The following IL1RAPL2 variants were observed in gnomAD, a reference collection of about 807,000 sequenced individuals.
IL1RAPL2 encodes X-linked interleukin-1 receptor accessory protein-like 2.
In IL1RAPL2, 3 loss-of-function variants were observed where a neutral mutation model predicts 44.1. The observed-to-expected ratio is 0.07, with a 90% CI of 0.03 to 0.18. The LOEUF (loss-of-function observed/expected upper bound fraction) is 0.18, where lower values mean the gene tolerates loss of function less well. Ranked by LOEUF, IL1RAPL2 falls within the 10% of genes least tolerant of loss-of-function variation. The pLI, the probability that IL1RAPL2 is intolerant of heterozygous loss-of-function variation, is 1.00. For synonymous variants in IL1RAPL2, 181 were observed against 178.8 expected, an observed-to-expected ratio of 1.01 and a Z score of -0.10; for missense variants, 391 against 496.4, an observed-to-expected ratio of 0.79 and a Z score of 2.02.
chrX:104,639,665 A>T (rs748717205), intron 1 of IL1RAPL2, among the ~76,000 whole-genome samples: 6 of 109,791 alleles, frequency 5.5e-5, no homozygotes, highest in Middle Eastern at 4.4e-3. Flanking sequence ...CGGGTTTAGG[A>T]CTCCCTTAAG....
chrX:105,337,324 A>C (rs2147697161), intron 5 of IL1RAPL2, among the ~76,000 whole-genome samples: 1 of 112,495 alleles, frequency 8.9e-6, no homozygotes, highest in Non-Finnish European at 1.9e-5. Context: ...GCAGACAATT[A>C]GTTTTTCATG....
At chrX:105,422,172 G>T (rs2035778094) in intron 5 of IL1RAPL2, among the ~76,000 whole-genome samples, 1 of 111,696 alleles carries the variant, frequency 9.0e-6, no homozygotes, top group Admixed American at 9.5e-5. Flanking sequence ...TGTTTCATAG[G>T]AGTCTCAGAT....
intron 2 of IL1RAPL2, among the ~76,000 whole-genome samples, chrX:105,068,476 C>T (rs1381747912): frequency 8.9e-6 from 1 of 111,836 alleles, no homozygotes; most frequent in Non-Finnish European, 1.9e-5. Flanking sequence ...AAGGTCTCTA[C>T]CAGTATAAAA....
intron 2 of IL1RAPL2, among the ~76,000 whole-genome samples, chrX:104,729,017 G>A (rs1931851218): frequency 1.8e-5 from 2 of 111,389 alleles, no homozygotes; most frequent in Admixed American, 1.9e-4. Flanking sequence ...TTTAAGTCAA[G>A]TATGCATGTT....
chrX:104,782,336 C>T (rs1450246367), intron 2 of IL1RAPL2, among the ~76,000 whole-genome samples: 2 of 110,643 alleles, frequency 1.8e-5, no homozygotes, highest in Non-Finnish European at 3.8e-5. Context: ...CAGTAGGAGA[C>T]TATCTTCTGT....
intron 6 of IL1RAPL2, among the ~76,000 whole-genome samples, chrX:105,626,129 C>T (rs116591687): frequency 0.01 from 1,129 of 111,427 alleles, 23 homozygotes; most frequent in African/African-American, 0.035. Flanking sequence ...TACATTTCAG[C>T]ATAGGAGGAA....
chrX:104,585,328 A>AATATATATT (rs1928519158), intron 1 of IL1RAPL2, among the ~76,000 whole-genome samples: 1 of 12,483 alleles, frequency 8.0e-5, no homozygotes, highest in East Asian at 2.9e-3. Flanking sequence ...TATTATATAT[A>AATATATATT]ATATATATTA....
intron 5 of IL1RAPL2, among the ~76,000 whole-genome samples, chrX:105,399,161 C>T (rs2035587126): frequency 9.0e-6 from 1 of 111,678 alleles, no homozygotes; most frequent in Non-Finnish European, 1.9e-5. Flanking sequence ...GAAGCTGGTG[C>T]ATATCATCCT....
intron 3 of IL1RAPL2, chrX:105,220,292 G>A (rs2147626411): frequency 8.3e-7 from 1 of 1,210,850 alleles, no homozygotes; most frequent in East Asian, 3.0e-5. Context: ...ATATTCTCAA[G>A]ATAGAACTCG....
intron 2 of IL1RAPL2, among the ~76,000 whole-genome samples, chrX:104,728,104 A>G (rs756432103): frequency 9.0e-6 from 1 of 111,248 alleles, no homozygotes; most frequent in Non-Finnish European, 1.9e-5. Context: ...ATCTATAAAA[A>G]TAAAGAAAAA....
At chrX:104,754,610 T>C (rs1364121711) in intron 2 of IL1RAPL2, among the ~76,000 whole-genome samples, 1 of 111,633 alleles carries the variant, frequency 9.0e-6, no homozygotes, top group Non-Finnish European at 1.9e-5. Context: ...GTATCACAGA[T>C]GATTACTCCC....
chrX:104,823,103 A>AT (rs370935873), intron 2 of IL1RAPL2, among the ~76,000 whole-genome samples: 480 of 107,859 alleles, frequency 4.5e-3, no homozygotes, highest in African/African-American at 0.014. Context: ...TTGCACATTG[A>AT]TTTTTTTTTT....
rs1163118275 is a variant in IL1RAPL2 at position 105,307,556 on chromosome X, TTC to T, written c.697+40017_697+40018del. Among the ~76,000 whole-genome samples the T allele has an allele frequency of 6.4e-4, 32 of 49,835 alleles. 4 individuals carry two copies. The highest frequency in any genetic ancestry group is 3.6e-3 in the African/African-American group (29 of 8,096). 43.3% of individuals were successfully genotyped at this position (49,835 alleles called of 115,157 possible). ...ATATATATTATATATAATATATATT[TTC>T]TATTATATATATTATATATAATATA... On this transcript the variant is annotated intron_variant, in intron 5 of 10. Coordinates refer to ENST00000372582, the MANE Select transcript of IL1RAPL2 (RefSeq NM_017416.2).
chrX:104,632,160 G>A (rs1929665855), intron 1 of IL1RAPL2, among the ~76,000 whole-genome samples: 1 of 111,161 alleles, frequency 9.0e-6, no homozygotes, highest in African/African-American at 3.3e-5. Flanking sequence ...GTAGATATGT[G>A]GCATTATTTC....
intron 5 of IL1RAPL2, among the ~76,000 whole-genome samples, chrX:105,410,448 A>G (rs762269456): frequency 9.1e-6 from 1 of 110,469 alleles, no homozygotes; most frequent in East Asian, 2.9e-4. Context: ...GAGCTGAGAA[A>G]TGGCTATCAG....
Position 105,045,892 on chromosome X carries a change from ATT to A in IL1RAPL2, c.83-149582_83-149581del, listed in dbSNP as rs2031831037. Among the ~76,000 whole-genome samples, 6 of 111,171 alleles carry A rather than the reference ATT, an allele frequency of 5.4e-5. No individual in the cohort carries two copies. In the Admixed American group the frequency reaches 5.8e-4, roughly 11 times the overall value. On this transcript the variant is annotated intron_variant, in intron 2 of 10. Coordinates refer to ENST00000372582, the MANE Select transcript of IL1RAPL2 (RefSeq NM_017416.2). ...TTGACTTTTTAAAGTATGTACATTT[ATT>A]ACTTAGATTAAAAAATTAATCTTAA...
At chrX:105,746,821 T>G (rs1444559799) in intron 8 of IL1RAPL2, among the ~76,000 whole-genome samples, 1 of 111,082 alleles carries the variant, frequency 9.0e-6, no homozygotes, top group Non-Finnish European at 1.9e-5. Flanking sequence ...TTTAAAACAT[T>G]TGAAAGCTCT....
At chrX:104,654,672 A>G (rs754285580) in intron 1 of IL1RAPL2, among the ~76,000 whole-genome samples, 9 of 111,433 alleles carry the variant, frequency 8.1e-5, no homozygotes, top group Non-Finnish European at 1.3e-4. Flanking sequence ...TTTTAGTTCC[A>G]TATGAATTTT....
chrX:104,912,329 C>T (rs1353083798), intron 2 of IL1RAPL2, among the ~76,000 whole-genome samples: 1 of 110,382 alleles, frequency 9.1e-6, no homozygotes, highest in Non-Finnish European at 1.9e-5. Context: ...AGATTACTTG[C>T]CCACCTGGGA....
Sources: gnomAD v4.1 joint callset for allele counts (sites outside exome capture counted in the v4.1 genomes callset) on GRCh38, gnomAD v4.1.1 for gene constraint, MANE v1.5 for transcripts, NCBI Gene and HGNC (gene_info 2026-07-23, HGNC 2026-07-21) for gene names.